The following MATCAP2 variants were observed in gnomAD, a reference collection of about 807,000 sequenced individuals.
MATCAP2 encodes microtubule associated tyrosine carboxypeptidase 2.
the MATCAP2 span, among the ~76,000 whole-genome samples, chr7:36,359,037 CAAATGAATAAAT>C: frequency 6.6e-6 from 1 of 152,180 alleles, no homozygotes; most frequent in Admixed American, 6.5e-5. Flanking sequence ...ACTGAATAAA[CAAATGAATAAAT>C]AAATGACCCT....
At chr7:36,388,746 T>G in the MATCAP2 span, among the ~76,000 whole-genome samples, 2 of 152,196 alleles carry the variant, frequency 1.3e-5, no homozygotes, top group Non-Finnish European at 2.9e-5. Flanking sequence ...TTTCATTTCT[T>G]TGGACCAGTT....
chr7:36,371,888 C>T, the MATCAP2 span, among the ~76,000 whole-genome samples: 1 of 151,900 alleles, frequency 6.6e-6, no homozygotes, highest in South Asian at 2.1e-4. Context: ...GGACCACAGG[C>T]ACTTTTTATA....
chr7:36,339,178 A>C, the MATCAP2 span, among the ~76,000 whole-genome samples: 1 of 152,206 alleles, frequency 6.6e-6, no homozygotes, highest in African/African-American at 2.4e-5. Context: ...TCTATAAATA[A>C]CACCACTGTA....
the MATCAP2 span, chr7:36,367,266 G>T: frequency 9.4e-7 from 1 of 1,061,302 alleles, no homozygotes; most frequent in Non-Finnish European, 1.1e-6. Flanking sequence ...CGCGCGCTGC[G>T]CTTCACGGAG....
the MATCAP2 span, among the ~76,000 whole-genome samples, chr7:36,369,632 A>G: frequency 2.6e-5 from 4 of 152,228 alleles, no homozygotes; most frequent in African/African-American, 9.6e-5. Context: ...GATACATATT[A>G]TCTTCCTCAT....
chr7:36,352,285 T>C, the MATCAP2 span, among the ~76,000 whole-genome samples: 3 of 150,030 alleles, frequency 2.0e-5, 1 homozygote, highest in Middle Eastern at 0.011. Flanking sequence ...TAATCCCAGC[T>C]ACTTGGGAGG....
chr7:36,374,616 G>A, the MATCAP2 span, among the ~76,000 whole-genome samples: 4 of 152,076 alleles, frequency 2.6e-5, no homozygotes, highest in Non-Finnish European at 2.9e-5. Flanking sequence ...GTATACATGT[G>A]CCATGTTGGT....
At chr7:36,349,612 A>C in the MATCAP2 span, among the ~76,000 whole-genome samples, 1 of 152,168 alleles carries the variant, frequency 6.6e-6, no homozygotes, top group Non-Finnish European at 1.5e-5. Flanking sequence ...TGGATGTATA[A>C]AAGGGTGAGT....
At chr7:36,324,892 C>A in the MATCAP2 span, 13 of 152,080 alleles carry the variant, frequency 8.5e-5, no homozygotes, top group Admixed American at 8.5e-4. Flanking sequence ...GCAAATGATC[C>A]GACCAACAGG....
chr7:36,371,508 T>C, the MATCAP2 span, among the ~76,000 whole-genome samples: 1 of 152,222 alleles, frequency 6.6e-6, no homozygotes, highest in African/African-American at 2.4e-5. Context: ...TATTCATAAG[T>C]TGATGGAGTT....
the MATCAP2 span, chr7:36,366,891 G>A: frequency 2.7e-6 from 4 of 1,473,494 alleles, no homozygotes; most frequent in East Asian, 5.4e-5. Context: ...CACCCCCGCC[G>A]CGGCCAGCCC....
the MATCAP2 span, chr7:36,389,771 C>T: frequency 5.4e-5 from 28 of 520,168 alleles, no homozygotes; most frequent in Admixed American, 5.1e-4. Context: ...CGTGACCGAG[C>T]GCAGGGGCGG....
At chr7:36,389,089 C>A in the MATCAP2 span, among the ~76,000 whole-genome samples, 40 of 152,220 alleles carry the variant, frequency 2.6e-4, no homozygotes, top group East Asian at 7.3e-3. Flanking sequence ...TTGTCTGGCT[C>A]TGTAGCCCAG....
chr7:36,389,900 T>C, the MATCAP2 span: 1 of 1,554,134 alleles, frequency 6.4e-7, no homozygotes, highest in Non-Finnish European at 8.8e-7. Flanking sequence ...GGACAGCTGG[T>C]TGTGGGAGAG....
chr7:36,359,075 C>T, the MATCAP2 span, among the ~76,000 whole-genome samples: 1 of 152,206 alleles, frequency 6.6e-6, no homozygotes, highest in African/African-American at 2.4e-5. Flanking sequence ...TGCAATTCTG[C>T]AACCATTCTG....
At chr7:36,382,562 G>A in the MATCAP2 span, among the ~76,000 whole-genome samples, 2 of 151,656 alleles carry the variant, frequency 1.3e-5, no homozygotes, top group East Asian at 1.9e-4. Flanking sequence ...GCGTGATCTC[G>A]GCTCACTGCA....
chr7:36,387,679 CAA>C, the MATCAP2 span, among the ~76,000 whole-genome samples: 4 of 152,108 alleles, frequency 2.6e-5, no homozygotes, highest in South Asian at 4.1e-4. Flanking sequence ...AGGTAGAAAC[CAA>C]AGACATAGTG....
chr7:36,345,591 T>C, the MATCAP2 span, among the ~76,000 whole-genome samples: 420 of 152,280 alleles, frequency 2.8e-3, 2 homozygotes, highest in African/African-American at 9.6e-3. Flanking sequence ...CTATTAAAAT[T>C]AGAACAGTAT....
chr7:36,328,614 G>T, the MATCAP2 span, among the ~76,000 whole-genome samples: 1 of 152,026 alleles, frequency 6.6e-6, no homozygotes, highest in South Asian at 2.1e-4. Flanking sequence ...TGTGGTGGCA[G>T]GTGCCTGTAA....
Sources: gnomAD v4.1 joint callset for allele counts (sites outside exome capture counted in the v4.1 genomes callset) on GRCh38, gnomAD v4.1.1 for gene constraint, MANE v1.5 for transcripts, NCBI Gene and HGNC (gene_info 2026-07-23, HGNC 2026-07-21) for gene names.